Variants in BBS9 observed in about 807,000 individuals in gnomAD.
BBS9 encodes the protein Bardet-Biedl syndrome 9.
Under a neutral mutation model 117.7 loss-of-function variants are expected in BBS9, and 89 were observed. The observed-to-expected ratio is 0.76, with a 90% confidence interval of 0.64 to 0.90. BBS9 has a LOEUF of 0.90. BBS9 is among the 40% of genes least tolerant of loss of function. The pLI is 0.00. For synonymous variants in BBS9, 379 were observed against 370.9 expected, an observed-to-expected ratio of 1.02 and a Z score of -0.25; for missense variants, 982 against 1,042.2, an observed-to-expected ratio of 0.94 and a Z score of 0.80.
chr7:33,471,837 G>A (rs1360108199), intron 19 of BBS9, among the ~76,000 whole-genome samples: 8 of 152,188 alleles, frequency 5.3e-5, no homozygotes, highest in Non-Finnish European at 8.8e-5. Context: ...TCAAAACCAT[G>A]AACTGCCACC....
At chr7:33,475,651 C>A (rs1841699515) in intron 19 of BBS9, among the ~76,000 whole-genome samples, 1 of 152,108 alleles carries the variant, frequency 6.6e-6, no homozygotes, top group Non-Finnish European at 1.5e-5. Context: ...CCAAATGTTC[C>A]CTAGGGGACA....
At chr7:33,622,423 GA>G (rs989517225) in intron 21 of BBS9, among the ~76,000 whole-genome samples, 6 of 152,056 alleles carry the variant, frequency 3.9e-5, no homozygotes, top group African/African-American at 1.4e-4. Flanking sequence ...ATGTATACTT[GA>G]AAATTGTTAA....
intron 9 of BBS9, among the ~76,000 whole-genome samples, chr7:33,294,291 ATCTATCTATCTATCTATCTATCTATCT>A (rs1486935965): frequency 1.0e-3 from 4 of 3,902 alleles, no homozygotes; most frequent in African/African-American, 6.9e-3. Context: ...TCTATCTATC[ATCTATCTATCTATCTATCTATCTATCT>A]ATCTATCTAT....
At position 33,417,939 on chromosome 7, in the gene BBS9, G is replaced by A. The variant is rs1410929083; in HGVS notation, c.2115+29795G>A. 2.0e-5 allele frequency among the ~76,000 whole-genome samples: 3 copies of A among 152,276 alleles called. No homozygotes were observed. The South Asian group carries it at 6.2e-4, about 32-fold the overall frequency. On this transcript the variant is annotated intron_variant, in intron 19 of 22. Transcript: ENST00000242067. Reference sequence around the variant, plus strand: ...TTCTTTTTTACCAAGGGTTAAGCCTGGTGATTGAGACTATATTCTGGTGCA... The same window carrying A: ...TTCTTTTTTACCAAGGGTTAAGCCTAGTGATTGAGACTATATTCTGGTGCA...
At chr7:33,474,635 C>T (rs897453460) in intron 19 of BBS9, among the ~76,000 whole-genome samples, 5 of 152,088 alleles carry the variant, frequency 3.3e-5, no homozygotes, top group African/African-American at 4.8e-5. Flanking sequence ...TGTCTATGCT[C>T]CTTAGAAATA....
intron 1 of BBS9, among the ~76,000 whole-genome samples, chr7:33,144,023 C>G (rs1490220899): frequency 6.6e-6 from 1 of 151,782 alleles, no homozygotes; most frequent in East Asian, 1.9e-4. Flanking sequence ...ATATTTTTTC[C>G]AGTTCTGTAG....
chr7:33,612,697 G>A (rs749715055), intron 21 of BBS9, among the ~76,000 whole-genome samples: 1 of 151,972 alleles, frequency 6.6e-6, no homozygotes, highest in African/African-American at 2.4e-5. Flanking sequence ...TCATCTGCTA[G>A]GAGTCTTGTT....
At chr7:33,432,163 C>A (rs1834586816) in intron 19 of BBS9, among the ~76,000 whole-genome samples, 1 of 151,022 alleles carries the variant, frequency 6.6e-6, no homozygotes. Context: ...CGTCTCACTG[C>A]AATGGTGCGA....
chr7:33,601,109 T>G (rs747082642), intron 21 of BBS9, among the ~76,000 whole-genome samples: 71 of 152,316 alleles, frequency 4.7e-4, no homozygotes, highest in Non-Finnish European at 1.8e-4. Context: ...GTGAGGGCAC[T>G]GAGCCCTTTG....
At chr7:33,534,810 G>A (rs924071946) in intron 21 of BBS9, among the ~76,000 whole-genome samples, 3 of 152,096 alleles carry the variant, frequency 2.0e-5, no homozygotes, top group East Asian at 1.9e-4. Context: ...TCTCTTAGGC[G>A]CAGCAGTTCC....
At chr7:33,516,838 A>G (rs978544410) in intron 20 of BBS9, among the ~76,000 whole-genome samples, 1 of 152,184 alleles carries the variant, frequency 6.6e-6, no homozygotes, top group Admixed American at 6.5e-5. Context: ...GATCTCACTG[A>G]TAAGTAGTTT....
At chr7:33,503,788 G>A (rs1237742237) in intron 19 of BBS9, among the ~76,000 whole-genome samples, 1 of 149,468 alleles carries the variant, frequency 6.7e-6, no homozygotes, top group East Asian at 2.0e-4. Context: ...GGAGTCCGTT[G>A]TAATCATGGT....
chr7:33,579,279 C>A (rs1859478713), intron 21 of BBS9, among the ~76,000 whole-genome samples: 1 of 152,110 alleles, frequency 6.6e-6, no homozygotes, highest in African/African-American at 2.4e-5. Flanking sequence ...TGAAAGGGAG[C>A]CAGTACAGAA....
chr7:33,525,179 A>G (rs1425205719), intron 20 of BBS9, among the ~76,000 whole-genome samples: 3 of 152,042 alleles, frequency 2.0e-5, no homozygotes, highest in Admixed American at 6.6e-5. Context: ...TATGTGGTCA[A>G]TTTTGGAATA....
At chr7:33,186,716 A>T (rs1431447940) in intron 5 of BBS9, among the ~76,000 whole-genome samples, 16 of 152,018 alleles carry the variant, frequency 1.1e-4, no homozygotes, top group Admixed American at 1.0e-3. Flanking sequence ...TGCAGAGGGG[A>T]AGTGTGTTTG....
intron 11 of BBS9, 147 bp from the exon 12 acceptor site, chr7:33,344,434 G>GTC (rs1817225616): frequency 1.2e-6 from 1 of 802,418 alleles, no homozygotes. Context: ...AAGCCAGATT[G>GTC]TCTCTTTTAG....
chr7:33,242,540 T>C (rs909599586), intron 5 of BBS9, among the ~76,000 whole-genome samples: 5 of 143,692 alleles, frequency 3.5e-5, no homozygotes, highest in African/African-American at 1.5e-4. Flanking sequence ...TTTTATTTAC[T>C]TTTTTTTTGC....
At chr7:33,495,391 A>G (rs1200411956) in intron 19 of BBS9, among the ~76,000 whole-genome samples, 6 of 152,226 alleles carry the variant, frequency 3.9e-5, no homozygotes, top group African/African-American at 1.2e-4. Context: ...GGGTGGTTGC[A>G]TAATTACTGA....
At chr7:33,356,675 A>G (rs1259117847) in intron 15 of BBS9, among the ~76,000 whole-genome samples, 1 of 151,876 alleles carries the variant, frequency 6.6e-6, no homozygotes, top group Non-Finnish European at 1.5e-5. Flanking sequence ...CCTAGTGAAT[A>G]AGTAGTACTG....
Sources: allele counts gnomAD v4.1 joint callset (sites outside exome capture counted in the v4.1 genomes callset), GRCh38; gene constraint gnomAD v4.1.1; transcripts MANE v1.5; gene names NCBI Gene and HGNC (gene_info 2026-07-23, HGNC 2026-07-21).